CNTNAP5: variants seen among roughly 807,000 people sequenced by gnomAD.
The protein encoded by CNTNAP5 is contactin-associated protein-like 5.
Under a neutral mutation model 150.2 loss-of-function variants are expected in CNTNAP5, and 72 were observed. The observed-to-expected ratio is 0.48, with a 90% CI of 0.40 to 0.58. The LOEUF is 0.58. CNTNAP5 is among the 20% of genes least tolerant of loss of function. The probability of loss-of-function intolerance (pLI) is 0.00; values close to 1 mark genes in which losing one functional copy is unlikely to be tolerated. For synonymous variants in CNTNAP5, 672 were observed against 619.8 expected (o/e 1.08, Z -1.25); for missense variants, 1,636 against 1,626.2 (o/e 1.01, Z -0.10).
At chr2:124,077,469 A>T (rs1429966657) in intron 1 of CNTNAP5, among the ~76,000 whole-genome samples, 1 of 152,140 alleles carries the variant, frequency 6.6e-6, no homozygotes, top group African/African-American at 2.4e-5. Flanking sequence ...TCCTCACTTA[A>T]AAACAATCTG....
intron 7 of CNTNAP5, among the ~76,000 whole-genome samples, chr2:124,489,999 C>A (rs1199966805): frequency 6.6e-6 from 1 of 152,092 alleles, no homozygotes; most frequent in Non-Finnish European, 1.5e-5. Flanking sequence ...TTGCCTCAAA[C>A]AAATCATTAT....
chr2:124,178,396 T>A (rs1461140873), intron 1 of CNTNAP5, among the ~76,000 whole-genome samples: 2 of 152,194 alleles, frequency 1.3e-5, no homozygotes, highest in Non-Finnish European at 2.9e-5. Flanking sequence ...CTAGACCTTA[T>A]CCAAGTTCTT....
chr2:124,413,932 T>C (rs1021051488), intron 3 of CNTNAP5, among the ~76,000 whole-genome samples: 14 of 151,876 alleles, frequency 9.2e-5, no homozygotes, highest in African/African-American at 3.1e-4. Context: ...AGAATAGCCT[T>C]AACCTGTGCT....
intron 11 of CNTNAP5, among the ~76,000 whole-genome samples, chr2:124,578,502 C>T (rs971837363): frequency 6.6e-6 from 1 of 152,062 alleles, no homozygotes; most frequent in African/African-American, 2.4e-5. Flanking sequence ...GGAATTTTCT[C>T]CCCAGAGGGA....
chr2:124,584,317 G>A lies in CNTNAP5; in HGVS notation c.1756+20994G>A, dbSNP rs148729827. On this transcript the variant is annotated intron_variant, in intron 11 of 23. Transcript: ENST00000682447. ...CGGTTTTCCTGCTGGTGGTCATGAA[G>A]TTTCATGACAATTAGTATTCTCTCA... is the stretch of plus-strand genomic sequence containing the variant. 4.6e-5 allele frequency among the ~76,000 whole-genome samples: 7 copies of A among 151,722 alleles called. No individual in the cohort carries two copies. The East Asian group carries it at 1.4e-3, about 29-fold the overall frequency.
intron 13 of CNTNAP5, among the ~76,000 whole-genome samples, chr2:124,659,230 T>C (rs553328993): frequency 5.1e-4 from 77 of 152,358 alleles, no homozygotes; most frequent in African/African-American, 1.7e-3. Flanking sequence ...AACATAATTT[T>C]CATTGTCTTA....
chr2:124,676,694 G>A (rs1678946213), intron 13 of CNTNAP5, among the ~76,000 whole-genome samples: 1 of 152,178 alleles, frequency 6.6e-6, no homozygotes, highest in Non-Finnish European at 1.5e-5. Context: ...GTACTTGTGA[G>A]GGTGTTGGTT....
intron 13 of CNTNAP5, among the ~76,000 whole-genome samples, chr2:124,707,185 A>AGAAGAT (rs1170583152): frequency 7.4e-5 from 11 of 148,430 alleles, no homozygotes; most frequent in Non-Finnish European, 1.4e-4. Flanking sequence ...AAGAAGAAGA[A>AGAAGAT]GAAGAAGAAG....
At chr2:124,197,999 A>AAAT (rs1325459561) in intron 1 of CNTNAP5, among the ~76,000 whole-genome samples, 1 of 151,550 alleles carries the variant, frequency 6.6e-6, no homozygotes, top group South Asian at 2.1e-4. Flanking sequence ...ATAAAAATAA[A>AAAT]AATAATAATA....
At chr2:124,385,204 A>C (rs948554671) in intron 3 of CNTNAP5, among the ~76,000 whole-genome samples, 1 of 152,216 alleles carries the variant, frequency 6.6e-6, no homozygotes, top group South Asian at 2.1e-4. Flanking sequence ...AGAAAAAAAG[A>C]CATTGGTGGG....
intron 1 of CNTNAP5, among the ~76,000 whole-genome samples, chr2:124,217,987 C>A (rs1309159777): frequency 3.3e-5 from 5 of 152,098 alleles, no homozygotes; most frequent in Admixed American, 6.6e-5. Flanking sequence ...AAGCTCTAAC[C>A]CTCAATATGC....
At chr2:124,362,586 G>T (rs1690243498) in intron 3 of CNTNAP5, among the ~76,000 whole-genome samples, 1 of 152,158 alleles carries the variant, frequency 6.6e-6, no homozygotes, top group Non-Finnish European at 1.5e-5. Context: ...ATGGATGTCA[G>T]TACATAAAGT....
intron 3 of CNTNAP5, among the ~76,000 whole-genome samples, chr2:124,250,799 T>C (rs1340694326): frequency 6.7e-6 from 1 of 150,328 alleles, no homozygotes; most frequent in Non-Finnish European, 1.5e-5. Flanking sequence ...ATCTCTCAAG[T>C]ATTTTTTTTT....
At chr2:124,278,506 C>T (rs956256522) in intron 3 of CNTNAP5, among the ~76,000 whole-genome samples, 1 of 152,108 alleles carries the variant, frequency 6.6e-6, no homozygotes, top group Non-Finnish European at 1.5e-5. Context: ...CAAAACAAAG[C>T]CCTAGACAGT....
rs142402810 is a variant in CNTNAP5, at chr2:124,808,047, A to G, written c.3217+9727A>G. Reference sequence around the variant, plus strand: ...TTATTGGTGTCAGTTTCTGTAATGCAAGTTTCAGGATGCAGCAAGAGCCTC... The same window carrying G: ...TTATTGGTGTCAGTTTCTGTAATGCGAGTTTCAGGATGCAGCAAGAGCCTC... On this transcript the variant is annotated intron_variant, in intron 19 of 23. Transcript: ENST00000682447. Among the ~76,000 whole-genome samples, 421 of 152,250 alleles carry G rather than the reference A, an allele frequency of 2.8e-3. 2 individuals carry two copies. Among genetic ancestry groups the G allele is most frequent in the African/African-American group, 9.6e-3 (400 of 41,554 alleles).
chr2:124,599,291 T>C (rs963291387), intron 11 of CNTNAP5, among the ~76,000 whole-genome samples: 2 of 152,190 alleles, frequency 1.3e-5, no homozygotes, highest in African/African-American at 2.4e-5. Flanking sequence ...CATGTAATTT[T>C]TTTTGTTTTT....
intron 19 of CNTNAP5, among the ~76,000 whole-genome samples, chr2:124,848,263 G>A (rs1468645154): frequency 6.6e-6 from 1 of 152,090 alleles, no homozygotes; most frequent in African/African-American, 2.4e-5. Context: ...ATATAAGTAA[G>A]AACATACAGT....
At chr2:124,607,618 G>C (rs923736390) in intron 11 of CNTNAP5, among the ~76,000 whole-genome samples, 1 of 152,176 alleles carries the variant, frequency 6.6e-6, no homozygotes, top group Non-Finnish European at 1.5e-5. Flanking sequence ...TAGCACAGGT[G>C]GGGTAGCTTG....
chr2:124,840,603 G>A (rs1320815211), intron 19 of CNTNAP5, among the ~76,000 whole-genome samples: 3 of 152,030 alleles, frequency 2.0e-5, no homozygotes, highest in East Asian at 3.9e-4. Context: ...AGAACATGGA[G>A]CCCTGCCCCC....
Sources: gnomAD v4.1 joint callset for allele counts (sites outside exome capture counted in the v4.1 genomes callset) on GRCh38, gnomAD v4.1.1 for gene constraint, MANE v1.5 for transcripts, NCBI Gene and HGNC (gene_info 2026-07-23, HGNC 2026-07-21) for gene names.